The following CNTN4 variants were observed in gnomAD, a reference collection of about 807,000 sequenced individuals.
CNTN4 encodes contactin 4.
In CNTN4, 77 loss-of-function variants were observed where a neutral mutation model predicts 122.5. The ratio of observed to expected loss-of-function variants is 0.63; its 90% CI spans 0.52 to 0.76. The LOEUF (loss-of-function observed/expected upper bound fraction) is 0.76. Ranked by LOEUF, CNTN4 falls within the 30% of genes least tolerant of loss-of-function variation. The pLI is 0.00. For synonymous variants in CNTN4, 512 were observed against 447.0 expected (o/e 1.15, Z -1.83); for missense variants, 1,256 against 1,259.1 (o/e 1.00, Z 0.04).
chr3:2,821,785 C>T lies in CNTN4; in HGVS notation c.454+2204C>T, dbSNP rs60846076. Among the ~76,000 whole-genome samples the T allele has an allele frequency of 3.8e-3, 576 of 152,230 alleles. 10 individuals are homozygous for T. Among genetic ancestry groups the T allele is most frequent in the African/African-American group, 0.013 (547 of 41,536 alleles). ...TAATGACAAGATTGATAAACTCTAC[C>T]CTTGGAAATCCAGGCTGAAGTTTAG... On this transcript the variant is annotated intron_variant, in intron 7 of 24. Transcript: ENST00000418658.
chr3:2,966,678 C>A lies in CNTN4; in HGVS notation c.1359-21667C>A, dbSNP rs116768562. Among the ~76,000 whole-genome samples, 351 of 152,276 alleles carry A rather than the reference C, an allele frequency of 2.3e-3. 3 individuals are homozygous for A. Among genetic ancestry groups the A allele is most frequent in the African/African-American group, 8.1e-3 (337 of 41,560 alleles). On this transcript the variant is annotated intron_variant, in intron 13 of 24. Transcript: ENST00000418658. ...GATAAATGAGGTTATGGATACCCCA[C>A]TTACCCTGATGGGATCATTACACAT...
intron 3 of CNTN4, among the ~76,000 whole-genome samples, chr3:2,375,151 C>A (rs9810448): frequency 0.016 from 2,435 of 152,282 alleles, 67 homozygotes; most frequent in African/African-American, 0.055. Context: ...TAGACAGTCT[C>A]TAGTGTCTCT....
intron 3 of CNTN4, chr3:2,511,368 C>T (rs1416615422): frequency 1.3e-5 from 2 of 152,194 alleles, no homozygotes; most frequent in African/African-American, 4.8e-5. Context: ...GCGAGGAGAG[C>T]CAGTTAGAGA....
intron 2 of CNTN4, among the ~76,000 whole-genome samples, chr3:2,134,821 C>T (rs2034610736): frequency 6.6e-6 from 1 of 152,160 alleles, no homozygotes; most frequent in African/African-American, 2.4e-5. Flanking sequence ...TCTTACTCAG[C>T]TTTTTGTCCT....
At chr3:2,418,184 A>T (rs745863638) in intron 3 of CNTN4, among the ~76,000 whole-genome samples, 1 of 152,174 alleles carries the variant, frequency 6.6e-6, no homozygotes, top group Non-Finnish European at 1.5e-5. Flanking sequence ...GATGATAATA[A>T]ATATACCGCT....
Position 2,811,873 on chromosome 3 carries a change from C to G in CNTN4, c.359-7613C>G, listed in dbSNP as rs937530379. 7.2e-5 allele frequency among the ~76,000 whole-genome samples: 11 copies of G among 152,214 alleles called. 1 individual carries two copies. In the South Asian group the frequency reaches 2.3e-3, roughly 32 times the overall value. ...TAGAGACAGGGTTTCCCCGTGTTGGCCAGGCTGGTCTCGAACTCCTGACCT... is the reference window on the plus strand; with the variant it reads ...TAGAGACAGGGTTTCCCCGTGTTGGGCAGGCTGGTCTCGAACTCCTGACCT... On this transcript the variant is annotated intron_variant, in intron 6 of 24. Coordinates refer to ENST00000418658, the MANE Select transcript of CNTN4 (RefSeq NM_175607.3).
chr3:2,855,541 TAGTA>T (rs1425371224), intron 7 of CNTN4, among the ~76,000 whole-genome samples: 2 of 152,210 alleles, frequency 1.3e-5, no homozygotes, highest in African/African-American at 4.8e-5. Flanking sequence ...GAGGCTTACT[TAGTA>T]AGGTGAACAA....
chr3:2,117,506 A>G lies in CNTN4; in HGVS notation c.-145+16867A>G, dbSNP rs143627996. On this transcript the variant is annotated intron_variant, in intron 2 of 24. Coordinates refer to ENST00000418658, the MANE Select transcript of CNTN4 (RefSeq NM_175607.3). ...GCCATTGGTGATCAACCTCACCCTC[A>G]GTCCCTCTTTCCTTCCAGGAGGTTG... 3.5e-3 allele frequency among the ~76,000 whole-genome samples: 538 copies of G among 152,302 alleles called. 2 individuals are homozygous for G. Among genetic ancestry groups the G allele is most frequent in the African/African-American group, 0.012 (495 of 41,560 alleles).
chr3:2,403,428 A>C (rs920573158), intron 3 of CNTN4, among the ~76,000 whole-genome samples: 2 of 152,122 alleles, frequency 1.3e-5, no homozygotes, highest in Non-Finnish European at 2.9e-5. Flanking sequence ...TTACTCAAAA[A>C]ATTTGGGATG....
intron 3 of CNTN4, among the ~76,000 whole-genome samples, chr3:2,384,617 T>G (rs140447543): frequency 2.3e-3 from 352 of 152,288 alleles, no homozygotes; most frequent in African/African-American, 8.0e-3. Context: ...GGACTTAAAA[T>G]TACTCCCTTT....
intron 2 of CNTN4, among the ~76,000 whole-genome samples, chr3:2,230,170 C>T (rs1349482074): frequency 1.3e-5 from 2 of 152,214 alleles, no homozygotes; most frequent in African/African-American, 2.4e-5. Context: ...CACAGCAGCG[C>T]ATTGACAGCA....
intron 2 of CNTN4, among the ~76,000 whole-genome samples, chr3:2,172,031 C>G (rs2036538534): frequency 6.6e-6 from 1 of 152,146 alleles, no homozygotes; most frequent in Admixed American, 6.5e-5. Flanking sequence ...TCTGATGGAT[C>G]CGAATGTTTG....
intron 3 of CNTN4, among the ~76,000 whole-genome samples, chr3:2,408,867 G>A (rs939131195): frequency 2.6e-5 from 4 of 152,094 alleles, no homozygotes; most frequent in Non-Finnish European, 5.9e-5. Context: ...TGAAACTGAG[G>A]TCATCCCTGT....
At chr3:2,873,728 C>T (rs542637717) in intron 8 of CNTN4, among the ~76,000 whole-genome samples, 1 of 152,290 alleles carries the variant, frequency 6.6e-6, no homozygotes. Context: ...CTTAATTAAC[C>T]TAGTGGGTTT....
chr3:2,738,981 T>C, intron 5 of CNTN4, among the ~76,000 whole-genome samples: 1 of 152,124 alleles, frequency 6.6e-6, no homozygotes, highest in East Asian at 1.9e-4. Context: ...GAAGAAGATT[T>C]TTAAGTATAT....
chr3:2,472,678 A>G (rs903297116), intron 3 of CNTN4, among the ~76,000 whole-genome samples: 4 of 152,228 alleles, frequency 2.6e-5, no homozygotes, highest in Non-Finnish European at 5.9e-5. Flanking sequence ...AATAGAAGCA[A>G]TAAATAAACT....
intron 2 of CNTN4, among the ~76,000 whole-genome samples, chr3:2,329,114 C>T (rs2043600433): frequency 1.3e-5 from 2 of 151,916 alleles, no homozygotes; most frequent in African/African-American, 4.8e-5. Context: ...AATAAATTTG[C>T]AAATATTTAC....
At chr3:2,554,995 A>G (rs1230701297) in intron 3 of CNTN4, among the ~76,000 whole-genome samples, 1 of 152,212 alleles carries the variant, frequency 6.6e-6, no homozygotes, top group Non-Finnish European at 1.5e-5. Flanking sequence ...GCTATAAGAC[A>G]TCTTACAATA....
At chr3:2,879,449 T>C (rs565601646) in intron 8 of CNTN4, among the ~76,000 whole-genome samples, 1 of 152,134 alleles carries the variant, frequency 6.6e-6, no homozygotes, top group African/African-American at 2.4e-5. Flanking sequence ...AGGAAACTAA[T>C]ACAACCAGCG....
Sources: gnomAD v4.1 joint callset for allele counts (sites outside exome capture counted in the v4.1 genomes callset) on GRCh38, gnomAD v4.1.1 for gene constraint, MANE v1.5 for transcripts, NCBI Gene and HGNC (gene_info 2026-07-23, HGNC 2026-07-21) for gene names.